CPNE2: variants seen among roughly 807,000 people sequenced by gnomAD.
CPNE2 encodes the protein copine-2.
CPNE2 carries 42 observed loss-of-function variants against 69.7 expected under a neutral mutation model. The observed-to-expected ratio is 0.60, with a 90% confidence interval of 0.47 to 0.78. The LOEUF is 0.78. Ranked by LOEUF, CPNE2 falls within the 30% of genes least tolerant of loss-of-function variation. CPNE2 has a pLI of 0.00. For missense variants in CPNE2, 587 were observed against 732.0 expected (o/e 0.80, Z 2.29); for synonymous variants, 294 against 289.8 (o/e 1.01, Z -0.15).
intron 1 of CPNE2, among the ~76,000 whole-genome samples, chr16:57,100,339 C>T (rs777042450): frequency 3.3e-5 from 5 of 152,218 alleles, no homozygotes; most frequent in Non-Finnish European, 7.3e-5. Context: ...CTGTGTGTGG[C>T]AAACAGCAGA....
intron 3 of CPNE2, 30 bp downstream of exon 3, chr16:57,113,497 G>T: frequency 6.2e-7 from 1 of 1,602,718 alleles, no homozygotes; most frequent in South Asian, 1.1e-5. Context: ...GTGGGAGCAG[G>T]GGCCCAAAGA....
At chr16:57,109,427 C>T (rs1597492407) in intron 1 of CPNE2, among the ~76,000 whole-genome samples, 1 of 148,642 alleles carries the variant, frequency 6.7e-6, no homozygotes, top group East Asian at 2.0e-4. Flanking sequence ...AGTGAGCTGA[C>T]ATCATGCCAC....
rs142917135 is a variant in CPNE2 at position 57,127,963 on chromosome 16, TC to T, written c.1116+61del. On this transcript the variant is annotated intron_variant, in intron 12 of 15. Transcript: ENST00000290776. The stretch of plus-strand genomic sequence containing the variant: ...AGATGGGGTTTGTGTGTGTGGCCTC[TC>T]GGGGATCAGCTCTGGAAAGGTCTTG... The T allele has an allele frequency of 9.4e-3, 14,644 of 1,554,282 alleles. 87 individuals carry two copies. The highest frequency in any genetic ancestry group is 0.012 in the Non-Finnish European group (13,077 of 1,127,348).
At chr16:57,099,548 T>C (rs1359552755) in intron 1 of CPNE2, among the ~76,000 whole-genome samples, 1 of 148,524 alleles carries the variant, frequency 6.7e-6, no homozygotes, top group Non-Finnish European at 1.5e-5. Context: ...TGCCAACACA[T>C]GGTATGGTCA....
At chr16:57,115,823 T>C (rs2069715053) in intron 4 of CPNE2, among the ~76,000 whole-genome samples, 1 of 152,220 alleles carries the variant, frequency 6.6e-6, no homozygotes, top group African/African-American at 2.4e-5. Context: ...CGTTCAGAAG[T>C]GCCCTGCCCA....
intron 1 of CPNE2, among the ~76,000 whole-genome samples, chr16:57,108,202 C>T (rs1397279523): frequency 2.0e-5 from 3 of 152,222 alleles, no homozygotes; most frequent in Non-Finnish European, 4.4e-5. Context: ...GCATTCCCAG[C>T]ACTGGGACAG....
chr16:57,135,963 GGGAA>G (rs2069877243), intron 13 of CPNE2, among the ~76,000 whole-genome samples: 1 of 147,530 alleles, frequency 6.8e-6, no homozygotes, highest in Non-Finnish European at 1.5e-5. Flanking sequence ...GAAGGGGAAG[GGGAA>G]GGGAGAAGGA....
At chr16:57,101,045 C>T (rs1056645905) in intron 1 of CPNE2, among the ~76,000 whole-genome samples, 1 of 152,202 alleles carries the variant, frequency 6.6e-6, no homozygotes, top group African/African-American at 2.4e-5. Flanking sequence ...AGTCCAGCAG[C>T]TTACCCTCCA....
At position 57,121,124 on chromosome 16, in the gene CPNE2, G is replaced by C. The variant is rs2069758688; in HGVS notation, c.713G>C (p.Gly238Ala). 1 of 1,613,898 alleles carries C rather than the reference G, an allele frequency of 6.2e-7. No individual in the cohort carries two copies. Among genetic ancestry groups the C allele is most frequent in the African/African-American group, 1.3e-5 (1 of 74,924 alleles). ...VMCYDYDNDG[G>A]HDFIGEFQTS... ...TGCTACGACTATGACAATGACGGGG[G>C]CCATGACTTCATCGGCGAGTTCCAG... The change falls in exon 8 of 16, where the codon GGC becomes GCC. Residue 238 changes from glycine (G) to alanine (A), a missense_variant. Around this residue, in one of 5 missense-constraint regions of CPNE2, gnomAD observed 269 missense variants for 300.5 expected, o/e 0.90. Transcript: ENST00000290776.
intron 12 of CPNE2, among the ~76,000 whole-genome samples, chr16:57,131,114 G>A (rs1438939144): frequency 2.6e-5 from 4 of 152,172 alleles, no homozygotes; most frequent in African/African-American, 9.7e-5. Flanking sequence ...GCCTCAAAAT[G>A]ACTTGCCCAA....
At chr16:57,093,902 T>A in intron 1 of CPNE2, 1 of 368,932 alleles carries the variant, frequency 2.7e-6, no homozygotes, top group Non-Finnish European at 5.4e-6. Context: ...CCTGCCCTGA[T>A]GGGGAGGCCT....
chr16:57,105,421 A>G (rs904811136), intron 1 of CPNE2, among the ~76,000 whole-genome samples: 1 of 148,360 alleles, frequency 6.7e-6, no homozygotes, highest in Admixed American at 6.7e-5. Flanking sequence ...GCTGAATCCT[A>G]TGTGTCCGGT....
At chr16:57,099,526 G>C (rs533681189) in intron 1 of CPNE2, among the ~76,000 whole-genome samples, 34 of 149,240 alleles carry the variant, frequency 2.3e-4, no homozygotes, top group African/African-American at 8.4e-4. Flanking sequence ...TGTTCCAGTT[G>C]CTCTGCATTA....
intron 10 of CPNE2, chr16:57,124,792 C>T (rs907647146): frequency 1.8e-5 from 4 of 216,356 alleles, no homozygotes; most frequent in Non-Finnish European, 3.8e-5. Context: ...CACAGGATGC[C>T]ATGGAGTCAG....
rs1243867679 is a variant in CPNE2, at chr16:57,137,338, G to A, written c.1302+56G>A. On this transcript the variant is annotated intron_variant, in intron 14 of 15. Transcript: ENST00000290776. Reference sequence around the variant, plus strand: ...AGGAAACACGCACGTCCTCTGGGCTGGGGGGCAGGATATTCTGCCTTCTCT... The same window carrying A: ...AGGAAACACGCACGTCCTCTGGGCTAGGGGGCAGGATATTCTGCCTTCTCT... 1.3e-5 allele frequency: 20 copies of A among 1,596,956 alleles called. No individual in the cohort carries two copies. The African/African-American group carries it at 1.7e-4, about 14-fold the overall frequency.
chr16:57,124,910 C>T (rs1010217027), intron 10 of CPNE2: 13 of 237,910 alleles, frequency 5.5e-5, no homozygotes, highest in East Asian at 1.0e-4. Context: ...ATTCAGCGAA[C>T]TCACACTGAC....
At position 57,125,899 on chromosome 16, in the gene CPNE2, G is replaced by C; in HGVS notation, c.967G>C (p.Asp323His). 6.2e-7 allele frequency: 1 copy of C among 1,614,118 alleles called. No homozygotes were observed. Among genetic ancestry groups the C allele is most frequent in the Non-Finnish European group, 8.5e-7 (1 of 1,180,020 alleles). ...DFTASNGNPL[D>H]PSSLHYINPM... Reference sequence around the variant, plus strand: ...TACAGCCTCCAACGGGAATCCCCTCGACCCTTCCTCTTTGCACTATATCAA... The same window carrying C: ...TACAGCCTCCAACGGGAATCCCCTCCACCCTTCCTCTTTGCACTATATCAA... Residue 323 changes from aspartate (D) to histidine (H), a missense_variant, in exon 11 of 16, where the codon GAC becomes CAC. Coordinates refer to ENST00000290776, the MANE Select transcript of CPNE2 (RefSeq NM_152727.6).
At chr16:57,136,573 A>T (rs1334772134) in intron 13 of CPNE2, among the ~76,000 whole-genome samples, 2 of 152,218 alleles carry the variant, frequency 1.3e-5, no homozygotes, top group African/African-American at 2.4e-5. Flanking sequence ...ACAAAGACGT[A>T]GCCTCAGAAA....
chr16:57,107,503 G>A (rs2069655310), intron 1 of CPNE2, among the ~76,000 whole-genome samples: 1 of 152,216 alleles, frequency 6.6e-6, no homozygotes. Flanking sequence ...TGCCCAGCAA[G>A]AGGCTGGCGC....
Sources: gnomAD v4.1 joint callset for allele counts (sites outside exome capture counted in the v4.1 genomes callset) on GRCh38, gnomAD v4.1.1 for gene constraint, gnomAD v4.1.1 regional missense constraint, MANE v1.5 for transcripts, NCBI Gene and HGNC (gene_info 2026-07-23, HGNC 2026-07-21) for gene names.